Variants in CHRD observed in about 807,000 individuals in gnomAD.
CHRD encodes chordin.
CHRD carries 69 observed loss-of-function variants against 113.7 expected under a neutral mutation model. The observed-to-expected ratio is 0.61, with a 90% CI of 0.50 to 0.74. The LOEUF is 0.74. CHRD is among the 30% of genes least tolerant of loss of function. CHRD has a pLI of 0.00. For missense variants in CHRD, 1,194 were observed against 1,295.8 expected (o/e 0.92, Z 1.21); for synonymous variants, 561 against 540.8 (o/e 1.04, Z -0.52).
intron 15 of CHRD, 125 bp downstream of exon 15, chr3:184,386,284 C>T: frequency 8.1e-7 from 1 of 1,240,208 alleles, no homozygotes; most frequent in Non-Finnish European, 1.1e-6. Flanking sequence ...CAGCGCCCCC[C>T]CGGCTGGTGG....
chr3:184,383,491 C>G, intron 11 of CHRD, 32 bp from the exon 12 acceptor site: 1 of 1,613,494 alleles, frequency 6.2e-7, no homozygotes, highest in Non-Finnish European at 8.5e-7. Flanking sequence ...TACTGCCTCT[C>G]CACTTTGCCC....
rs3064288 is a variant in CHRD at position 184,388,237 on chromosome 3, GTCCATCCATCCATCCA to G, written c.2554+236_2554+251del. On this transcript the variant is annotated intron_variant, in intron 20 of 22. Coordinates refer to ENST00000204604, the Ensembl canonical transcript of CHRD. This position sits in a 1 kb window ranked among gnomAD's most constrained non-coding sequence, Gnocchi z 6.1. ...GTTCTGGTTCCTGCTCCATCCATCC[GTCCATCCATCCATCCA>G]TCCATCCATCCATCCATCCATCCAT... is the stretch of plus-strand genomic sequence containing the variant. Among the ~76,000 whole-genome samples, 29 of 137,958 alleles carry G rather than the reference GTCCATCCATCCATCCA, an allele frequency of 2.1e-4. No homozygotes were observed. The highest frequency in any genetic ancestry group is 7.8e-5 in the Non-Finnish European group (5 of 64,100). 90.5% of individuals were successfully genotyped at this position (137,958 alleles called of 152,430 possible).
rs1577410442 is a variant in CHRD, at chr3:184,387,714, G to C, written c.2452-217G>C. On this transcript the variant is annotated intron_variant, in intron 19 of 22. Transcript: ENST00000204604. The surrounding 1 kb of genome is among the most constrained non-coding windows in gnomAD (Gnocchi z 6.1). Reference sequence around the variant, plus strand: ...GTGCCAGTGACCCTAGGCACCTTCTGTCCCTGAGCCTCACTTTCCTCTCCT... The same window carrying C: ...GTGCCAGTGACCCTAGGCACCTTCTCTCCCTGAGCCTCACTTTCCTCTCCT... 6.6e-6 allele frequency among the ~76,000 whole-genome samples: 1 copy of C among 152,192 alleles called. No homozygotes were observed. The highest frequency in any genetic ancestry group is 1.9e-4 in the East Asian group (1 of 5,194).
At position 184,383,459 on chromosome 3, in the gene CHRD, T is replaced by C. The variant is rs376083331; in HGVS notation, c.1320+41T>C. ...TGCAGAAGGTGGGGGAGGGGTGGCG[T>C]GGGCAGCAGGCCCCAGGCCTTTACT... On this transcript the variant is annotated intron_variant, in intron 11 of 22. Coordinates refer to ENST00000204604, the Ensembl canonical transcript of CHRD. 1.7e-4 allele frequency: 277 copies of C among 1,613,018 alleles called. 1 individual carries two copies. In the Middle Eastern group the frequency reaches 1.8e-3, roughly 11 times the overall value.
At chr3:184,382,359 G>A (rs190889751) in intron 6 of CHRD, 30 bp from the exon 7 acceptor site, 15 of 1,614,072 alleles carry the variant, frequency 9.3e-6, no homozygotes, top group Non-Finnish European at 8.5e-7. Flanking sequence ...CAGTGTCTGA[G>A]CGTAGGGCCT....
chr3:184,389,266 T>C, intron 22 of CHRD, 101 bp from the exon 23 acceptor site: 1 of 1,124,650 alleles, frequency 8.9e-7, no homozygotes, highest in South Asian at 1.4e-5. Context: ...TACTGGCCTT[T>C]CTGGGACCAA....
intron 6 of CHRD, 46 bp downstream of exon 6, chr3:184,382,066 G>A (rs1427036533): frequency 6.2e-7 from 1 of 1,607,346 alleles, no homozygotes; most frequent in East Asian, 2.2e-5. Flanking sequence ...TGGGCACTGT[G>A]CCGAGAGCAT....
chr3:184,386,309 A>G, intron 15 of CHRD, 150 bp downstream of exon 15: 1 of 1,201,954 alleles, frequency 8.3e-7, no homozygotes, highest in Non-Finnish European at 1.2e-6. Flanking sequence ...GATGAGCTAC[A>G]TGAGGAGGCT....
chr3:184,383,444 G>T (rs753192833), intron 11 of CHRD, 26 bp downstream of exon 11: 1 of 1,613,066 alleles, frequency 6.2e-7, no homozygotes, highest in Non-Finnish European at 8.5e-7. Context: ...TGCAGAAGGT[G>T]GGGGAGGGGT....
rs1262422876 is a variant in CHRD at position 184,380,617 on chromosome 3, G to C, written c.149-75G>C. The stretch of plus-strand genomic sequence containing the variant: ...AGAAGGGCGCGGTGCCTGGGACCCG[G>C]GACCCGCGGGCAGCCCCCGGGGCGG... On this transcript the variant is annotated intron_variant, in intron 1 of 22. Transcript: ENST00000204604. This position sits in a 1 kb window ranked among gnomAD's most constrained non-coding sequence, Gnocchi z 6.3. 5 of 1,254,662 alleles carry C rather than the reference G, an allele frequency of 4.0e-6. No individual in the cohort carries two copies. Among genetic ancestry groups the C allele is most frequent in the Non-Finnish European group, 4.1e-6 (4 of 964,800 alleles). 77.7% of individuals were successfully genotyped at this position (1,254,662 alleles called of 1,614,324 possible).
In CHRD at chr3:184,387,949, C is replaced by T. The variant is rs1276186761; in HGVS notation, c.2470C>T (p.His824Tyr). ...CCTACAGGGGGGCACTGGAGAGGTG[C>T]ACTGTGAGAAGGTGCAGTGTCCCCG... The change falls in exon 20 of 23, where the codon CAC (histidine) becomes TAC (tyrosine). Residue 824 changes from histidine to tyrosine, a missense_variant. By Grantham distance (83) the His-to-Tyr change is moderately conservative (BLOSUM62 2). Coordinates refer to ENST00000204604, the Ensembl canonical transcript of CHRD. The surrounding 1 kb of genome is among the most constrained non-coding windows in gnomAD (Gnocchi z 6.1). 1 of 1,612,948 alleles carries T rather than the reference C, an allele frequency of 6.2e-7. No individual in the cohort carries two copies. Among genetic ancestry groups the T allele is most frequent in the Admixed American group, 1.7e-5 (1 of 59,874 alleles).
chr3:184,385,111 A>G, exon 14 of CHRD: 3 of 1,614,120 alleles, frequency 1.9e-6, no homozygotes, highest in Non-Finnish European at 2.5e-6. Context: ...ACCCACTGTC[A>G]CCTGCACTAT....
In CHRD at chr3:184,388,531, C is replaced by G. The variant is rs554177635; in HGVS notation, c.2555-56C>G. ...ACGTGCTGGGTATTCAAAGAGAATA[C>G]TCATAAAACCTTGTTGGTCCTCCTG... On this transcript the variant is annotated intron_variant, in intron 20 of 22. Transcript: ENST00000204604. The surrounding 1 kb of genome is among the most constrained non-coding windows in gnomAD (Gnocchi z 6.1). 5.0e-5 allele frequency: 78 copies of G among 1,554,452 alleles called. 2 individuals carry two copies. In the South Asian group the frequency reaches 9.0e-4, roughly 18 times the overall value.
rs1221744040 is a variant in CHRD, at chr3:184,383,169, G to A, written c.1213+6G>A. The A allele has an allele frequency of 6.4e-7, 1 of 1,566,840 alleles. No homozygotes were observed. The highest frequency in any genetic ancestry group is 1.1e-5 in the South Asian group (1 of 87,276). Reference sequence around the variant, plus strand: ...TGCCAGGAAGAGCTGCGACGGTGAGGCGGGGGGGGGGCCTGGTGCGCCGGG... The same window carrying A: ...TGCCAGGAAGAGCTGCGACGGTGAGACGGGGGGGGGGCCTGGTGCGCCGGG... On this transcript the variant is annotated splice_donor_region_variant and intron_variant, in intron 10 of 22. Coordinates refer to ENST00000204604, the Ensembl canonical transcript of CHRD.
chr3:184,386,141 A>G (rs778136927), exon 15 of CHRD: 4 of 1,614,024 alleles, frequency 2.5e-6, no homozygotes. Flanking sequence ...GTAGCCCCAG[A>G]GGGGAGCTCC....
In CHRD at chr3:184,382,536, G is replaced by C. The variant is rs1355382329; in HGVS notation, c.841+6G>C. 2.5e-6 allele frequency: 4 copies of C among 1,613,660 alleles called. No individual in the cohort carries two copies. The South Asian group carries it at 4.4e-5, about 18-fold the overall frequency. On this transcript the variant is annotated splice_donor_region_variant and intron_variant, in intron 7 of 22. Coordinates refer to ENST00000204604, the Ensembl canonical transcript of CHRD. ...GCACCGGGCCCTGGCTGCAGGTAGG[G>C]AGCAAAGAGCCCCGGGCGTGAAGTT...
At position 184,384,810 on chromosome 3, in the gene CHRD, A is replaced by G; in HGVS notation, c.1597+117A>G. The G allele has an allele frequency of 7.2e-7, 1 of 1,382,604 alleles. No individual in the cohort carries two copies. The allele number at this position is 1,382,604 out of a possible 1,614,324, so 85.6% of individuals were successfully genotyped here. On this transcript the variant is annotated intron_variant, in intron 13 of 22. Coordinates refer to ENST00000204604, the Ensembl canonical transcript of CHRD. This position sits in a 1 kb window ranked among gnomAD's most constrained non-coding sequence, Gnocchi z 4.4. The stretch of plus-strand genomic sequence containing the variant: ...GTGCCTAAGCTCCGGTTGCCATCTG[A>G]AGGTGGGGACATATAGGGTGGCCCT...
In CHRD at chr3:184,384,485, G is replaced by A; in HGVS notation, c.1441-52G>A. ...GGGCACAAAATGGTCCAAGACTTCA[G>A]AACCTTGGACTCGTGTGAGAGCTGA... On this transcript the variant is annotated intron_variant, in intron 12 of 22. Coordinates refer to ENST00000204604, the Ensembl canonical transcript of CHRD. This position sits in a 1 kb window ranked among gnomAD's most constrained non-coding sequence, Gnocchi z 4.4. 1 of 1,420,010 alleles carries A rather than the reference G, an allele frequency of 7.0e-7. No homozygotes were observed. Among genetic ancestry groups the A allele is most frequent in the Non-Finnish European group, 9.2e-7 (1 of 1,086,278 alleles). The allele number at this position is 1,420,010 out of a possible 1,614,324, so 88.0% of individuals were successfully genotyped here.
At position 184,384,569 on chromosome 3, in the gene CHRD, A is replaced by T. The variant is rs1187744387; in HGVS notation, c.1473A>T (p.Arg491=). ...GTATCTGCCCTGGGCTGGGTGCCCG[A>T]GGGGCTCATATGCTGCTGCAGAATG... The change falls in exon 13 of 23, where the codon CGA becomes CGT. Residue 491 remains arginine (R), a synonymous_variant. Coordinates refer to ENST00000204604, the Ensembl canonical transcript of CHRD. The surrounding 1 kb of genome is among the most constrained non-coding windows in gnomAD (Gnocchi z 4.4). 4 of 1,592,500 alleles carry T rather than the reference A, an allele frequency of 2.5e-6. No homozygotes were observed. The highest frequency in any genetic ancestry group is 3.4e-4 in the Middle Eastern group (2 of 5,806).
Sources: allele counts gnomAD v4.1 joint callset (sites outside exome capture counted in the v4.1 genomes callset), GRCh38; gene constraint gnomAD v4.1.1; non-coding constraint Gnocchi (gnomAD v3.1); transcripts MANE v1.5; gene names NCBI Gene and HGNC (gene_info 2026-07-23, HGNC 2026-07-21).